HACD2: variants seen among roughly 807,000 people sequenced by gnomAD.
HACD2 encodes 3-hydroxyacyl-CoA dehydratase 2.
Under a neutral mutation model 31.0 loss-of-function variants are expected in HACD2, and 15 were observed. That is an observed-to-expected ratio of 0.48 (90% confidence interval 0.32 to 0.75). HACD2 has a LOEUF of 0.75. HACD2 is among the 30% of genes least tolerant of loss of function. HACD2 has a pLI of 0.03. For synonymous variants in HACD2, 115 were observed against 122.2 expected, an observed-to-expected ratio of 0.94 and a Z score of 0.39; for missense variants, 283 against 313.0, an observed-to-expected ratio of 0.90 and a Z score of 0.72.
At chr3:123,567,741 G>A (rs1289321926) in intron 3 of HACD2, 21 bp downstream of exon 3, 1 of 1,426,980 alleles carries the variant, frequency 7.0e-7, no homozygotes, top group Non-Finnish European at 9.4e-7. Flanking sequence ...GTACATAGTA[G>A]GGGGGAATAT....
chr3:123,584,492 G>T, intron 1 of HACD2: 1 of 183,024 alleles, frequency 5.5e-6, no homozygotes, highest in Non-Finnish European at 1.1e-5. Flanking sequence ...CCCCATGCTG[G>T]CGCCGTTCAA....
At chr3:123,512,007 A>G (rs1402406491) in intron 4 of HACD2, among the ~76,000 whole-genome samples, 1 of 152,138 alleles carries the variant, frequency 6.6e-6, no homozygotes, top group Non-Finnish European at 1.5e-5. Flanking sequence ...CATGAGTGGA[A>G]GCAGCATGAG....
At chr3:123,519,241 C>A (rs1483521475) in intron 4 of HACD2, among the ~76,000 whole-genome samples, 1 of 152,164 alleles carries the variant, frequency 6.6e-6, no homozygotes, top group African/African-American at 2.4e-5. Flanking sequence ...CATGCATACA[C>A]ACAAATCCAC....
At chr3:123,582,381 C>T in intron 1 of HACD2, 52 bp from the exon 2 acceptor site, 1 of 1,289,828 alleles carries the variant, frequency 7.8e-7, no homozygotes. Flanking sequence ...AAAAAAGTAG[C>T]ATTTAGGTTA....
At chr3:123,497,861 A>G (rs1056840916) in intron 6 of HACD2, among the ~76,000 whole-genome samples, 2 of 152,254 alleles carry the variant, frequency 1.3e-5, no homozygotes, top group African/African-American at 2.4e-5. Flanking sequence ...AGGAGGTGTT[A>G]CTTTATATAA....
At chr3:123,566,816 T>C (rs1393814291) in intron 3 of HACD2, among the ~76,000 whole-genome samples, 1 of 152,090 alleles carries the variant, frequency 6.6e-6, no homozygotes, top group Non-Finnish European at 1.5e-5. Flanking sequence ...ATCGCATCAA[T>C]GCACTCTAGC....
intron 4 of HACD2, among the ~76,000 whole-genome samples, chr3:123,510,943 TTG>T (rs1336285887): frequency 4.2e-5 from 6 of 143,802 alleles, no homozygotes; most frequent in African/African-American, 5.5e-5. Flanking sequence ...TTTTTTTTTT[TTG>T]TTTTTTTTTG....
chr3:123,539,401 T>G (rs1576762157), intron 3 of HACD2, among the ~76,000 whole-genome samples: 1 of 151,310 alleles, frequency 6.6e-6, no homozygotes, highest in African/African-American at 2.4e-5. Flanking sequence ...GAAACCCCAT[T>G]TCTACTAAAA....
chr3:123,551,347 G>A (rs1282545760), intron 3 of HACD2, among the ~76,000 whole-genome samples: 5 of 152,066 alleles, frequency 3.3e-5, no homozygotes, highest in African/African-American at 7.2e-5. Flanking sequence ...GGCCGGGCAC[G>A]GTGGCTCACA....
In HACD2 at chr3:123,577,896, C is replaced by T. The variant is rs78546086; in HGVS notation, c.273+4316G>A. On this transcript the variant is annotated intron_variant, in intron 2 of 6. Transcript: ENST00000383657. ...TAAAAACTGACATATAATTCACATG[C>T]CACAAAATTCACAATTTTAAACTGT... Among the ~76,000 whole-genome samples, 557 of 152,240 alleles carry T rather than the reference C, an allele frequency of 3.7e-3. 3 individuals carry two copies. The highest frequency in any genetic ancestry group is 0.013 in the African/African-American group (531 of 41,536).
intron 1 of HACD2, among the ~76,000 whole-genome samples, chr3:123,583,470 T>C (rs772004485): frequency 6.6e-5 from 10 of 152,204 alleles, no homozygotes; most frequent in Admixed American, 1.3e-4. Context: ...TGATGTGATA[T>C]AAAGCTTGTA....
At chr3:123,551,717 A>G (rs144382568) in intron 3 of HACD2, among the ~76,000 whole-genome samples, 55 of 152,286 alleles carry the variant, frequency 3.6e-4, no homozygotes, top group African/African-American at 1.3e-3. Context: ...CTTGGAATAT[A>G]TAACTTTTGA....
At chr3:123,503,648 T>A in intron 4 of HACD2, among the ~76,000 whole-genome samples, 1 of 151,328 alleles carries the variant, frequency 6.6e-6, no homozygotes, top group East Asian at 2.0e-4. Flanking sequence ...AATGACCTTT[T>A]GTGCTTGAAA....
intron 3 of HACD2, among the ~76,000 whole-genome samples, chr3:123,548,364 C>G (rs1472569600): frequency 6.6e-6 from 1 of 152,076 alleles, no homozygotes; most frequent in Non-Finnish European, 1.5e-5. Context: ...GACCCCCTGC[C>G]AACAGCCATC....
chr3:123,517,863 G>A (rs1244134932), intron 4 of HACD2, among the ~76,000 whole-genome samples: 2 of 152,252 alleles, frequency 1.3e-5, no homozygotes, highest in Non-Finnish European at 2.9e-5. Context: ...TACGGTCCCT[G>A]ACCATAGATG....
At chr3:123,542,984 ACT>A (rs2056512201) in intron 3 of HACD2, among the ~76,000 whole-genome samples, 1 of 152,174 alleles carries the variant, frequency 6.6e-6, no homozygotes, top group Non-Finnish European at 1.5e-5. Context: ...TCCCTTTGAC[ACT>A]CTGATTCTTG....
At chr3:123,542,590 C>A (rs1033740919) in intron 3 of HACD2, among the ~76,000 whole-genome samples, 1 of 152,196 alleles carries the variant, frequency 6.6e-6, no homozygotes, top group East Asian at 1.9e-4. Context: ...GAGATGCCAA[C>A]GGCATAAGCC....
At chr3:123,545,413 C>G in intron 3 of HACD2, among the ~76,000 whole-genome samples, 1 of 151,188 alleles carries the variant, frequency 6.6e-6, no homozygotes, top group East Asian at 1.9e-4. Flanking sequence ...ACCCAGGAGG[C>G]AGAGGTTGCA....
chr3:123,556,436 CA>C (rs34685425), intron 3 of HACD2, among the ~76,000 whole-genome samples: 38,537 of 106,758 alleles, frequency 0.36, 7,635 homozygotes, highest in East Asian at 0.7. Context: ...GACTCCGTCT[CA>C]AAAAAAAAAA....
Sources: gnomAD v4.1 joint callset for allele counts (sites outside exome capture counted in the v4.1 genomes callset) on GRCh38, gnomAD v4.1.1 for gene constraint, MANE v1.5 for transcripts, NCBI Gene and HGNC (gene_info 2026-07-23, HGNC 2026-07-21) for gene names.